Variants in ERBB4 observed in about 807,000 individuals in gnomAD.
ERBB4 encodes erb-b2 receptor tyrosine kinase 4.
A neutral mutation model predicts 158.0 loss-of-function variants in ERBB4; 42 were observed. The ratio of observed to expected loss-of-function variants is 0.27; its 90% CI spans 0.21 to 0.34. The LOEUF (loss-of-function observed/expected upper bound fraction) is 0.34. Ranked by LOEUF, ERBB4 falls within the 10% of genes least tolerant of loss-of-function variation. ERBB4 has a pLI of 1.00. For missense variants in ERBB4, 1,333 were observed against 1,624.1 expected (o/e 0.82, Z 3.08); for synonymous variants, 583 against 558.7 (o/e 1.04, Z -0.61).
chr2:211,406,379 T>G (rs1159897384), intron 25 of ERBB4, among the ~76,000 whole-genome samples: 1 of 152,186 alleles, frequency 6.6e-6, no homozygotes, highest in Admixed American at 6.5e-5. Context: ...AATTAATCAT[T>G]ATTCAATATA....
At chr2:211,386,347 A>G (rs1206714587) in intron 27 of ERBB4, among the ~76,000 whole-genome samples, 2 of 152,218 alleles carry the variant, frequency 1.3e-5, no homozygotes, top group Non-Finnish European at 2.9e-5. Context: ...AAAACGTCAT[A>G]TAAGAACATA....
chr2:211,806,095 A>T (rs2076607100), intron 3 of ERBB4, among the ~76,000 whole-genome samples: 2 of 152,138 alleles, frequency 1.3e-5, no homozygotes, highest in South Asian at 4.1e-4. Context: ...AATCGAGCCA[A>T]ATAATTTCCC....
chr2:211,611,332 G>T (rs569911061), intron 19 of ERBB4, among the ~76,000 whole-genome samples: 52 of 149,578 alleles, frequency 3.5e-4, no homozygotes, highest in African/African-American at 1.3e-3. Context: ...AAAAGGGGAG[G>T]GGTCATAAGG....
chr2:211,962,140 A>G (rs1406633043), intron 2 of ERBB4, among the ~76,000 whole-genome samples: 2 of 152,074 alleles, frequency 1.3e-5, no homozygotes, highest in Non-Finnish European at 2.9e-5. Context: ...CATTTTGTGA[A>G]GTTTTCAATA....
intron 1 of ERBB4, among the ~76,000 whole-genome samples, chr2:212,284,415 A>G (rs2085880054): frequency 6.6e-6 from 1 of 152,054 alleles, no homozygotes; most frequent in Non-Finnish European, 1.5e-5. Flanking sequence ...AGCATGTTGC[A>G]TTGTCTTTTA....
At chr2:212,319,236 C>T (rs1397725145) in intron 1 of ERBB4, among the ~76,000 whole-genome samples, 1 of 150,974 alleles carries the variant, frequency 6.6e-6, no homozygotes, top group African/African-American at 2.4e-5. Flanking sequence ...AGTTTTCATA[C>T]ATCACAGCCT....
intron 1 of ERBB4, among the ~76,000 whole-genome samples, chr2:212,384,363 T>C (rs2090605259): frequency 6.6e-6 from 1 of 151,636 alleles, no homozygotes; most frequent in Non-Finnish European, 1.5e-5. Flanking sequence ...AGCACCAAAT[T>C]ACCCTTTTCA....
At chr2:211,770,925 T>C (rs1431154470) in intron 4 of ERBB4, among the ~76,000 whole-genome samples, 2 of 152,204 alleles carry the variant, frequency 1.3e-5, no homozygotes, top group Non-Finnish European at 2.9e-5. Flanking sequence ...GAGAACTAAA[T>C]ATTCTCTAAG....
At chr2:212,069,139 G>C (rs1379621108) in intron 2 of ERBB4, among the ~76,000 whole-genome samples, 1 of 151,880 alleles carries the variant, frequency 6.6e-6, no homozygotes, top group Non-Finnish European at 1.5e-5. Flanking sequence ...AGCAGTGTGA[G>C]AAAAAATTAA....
rs745408040 is a variant in ERBB4, at chr2:211,705,345, C to T, written c.1171G>A (p.Val391Ile). The T allele has an allele frequency of 9.3e-6, 15 of 1,612,812 alleles. No individual in the cohort carries two copies. The highest frequency in any genetic ancestry group is 3.3e-5 in the Admixed American group (2 of 60,006). The change falls in exon 10 of 28, where the codon GTC becomes ATC. Residue 391 changes from valine (V) to isoleucine (I), a missense_variant. Coordinates refer to ENST00000342788, the MANE Select transcript of ERBB4 (RefSeq NM_005235.3). ...IEAIDPEKLN[V>I]FRTVREITGF... ...GTTATCTCTCTGACTGTCCGAAAGA[C>T]GTTCAGTTTCTCTGGGTCTATGGCT...
intron 16 of ERBB4, among the ~76,000 whole-genome samples, chr2:211,657,237 A>C (rs1470957780): frequency 1.3e-5 from 2 of 151,238 alleles, no homozygotes; most frequent in African/African-American, 4.9e-5. Flanking sequence ...GGCCGGGCAC[A>C]GTGGCTCACA....
chr2:211,659,897 G>T (rs970608899), intron 15 of ERBB4, among the ~76,000 whole-genome samples: 6 of 152,166 alleles, frequency 3.9e-5, no homozygotes, highest in Non-Finnish European at 8.8e-5. Context: ...TGGTAGTGTG[G>T]AGGGCAGACA....
intron 12 of ERBB4, among the ~76,000 whole-genome samples, chr2:211,686,535 T>TAGAGATACA (rs1442848958): frequency 6.5e-3 from 2 of 306 alleles, no homozygotes; most frequent in Non-Finnish European, 0.015. Flanking sequence ...CTAGATTCTT[T>TAGAGATACA]TTTTTTTTTT....
chr2:212,256,637 T>A (rs947273697), intron 1 of ERBB4, among the ~76,000 whole-genome samples: 1 of 152,166 alleles, frequency 6.6e-6, no homozygotes, highest in Non-Finnish European at 1.5e-5. Context: ...CCTGAGATAG[T>A]TACTGTCATC....
chr2:212,235,449 C>T (rs117351210), intron 1 of ERBB4, among the ~76,000 whole-genome samples: 103 of 152,162 alleles, frequency 6.8e-4, no homozygotes, highest in East Asian at 2.3e-3. Flanking sequence ...CTTGGCTATC[C>T]GGGCTCTTTT....
At chr2:212,235,171 T>C (rs1017204166) in intron 1 of ERBB4, among the ~76,000 whole-genome samples, 2 of 152,100 alleles carry the variant, frequency 1.3e-5, no homozygotes, top group African/African-American at 2.4e-5. Flanking sequence ...AAGGAAGGGG[T>C]CCAATTTCAG....
chr2:211,423,203 A>G (rs906967735), intron 23 of ERBB4, among the ~76,000 whole-genome samples: 1 of 151,994 alleles, frequency 6.6e-6, no homozygotes, highest in Non-Finnish European at 1.5e-5. Context: ...TTCCAACTAA[A>G]TATTGAGTAA....
intron 7 of ERBB4, among the ~76,000 whole-genome samples, chr2:211,716,916 T>G (rs1280320091): frequency 6.6e-6 from 1 of 152,206 alleles, no homozygotes; most frequent in African/African-American, 2.4e-5. Flanking sequence ...ACATTTAAAG[T>G]AAACAAGTCA....
chr2:211,630,357 AC>A, intron 17 of ERBB4, 104 bp downstream of exon 17: 1 of 1,302,066 alleles, frequency 7.7e-7, no homozygotes, highest in Non-Finnish European at 1.1e-6. Flanking sequence ...CTTAATTAGG[AC>A]ACTGAACAGA....
Sources: gnomAD v4.1 joint callset for allele counts (sites outside exome capture counted in the v4.1 genomes callset) on GRCh38, gnomAD v4.1.1 for gene constraint, MANE v1.5 for transcripts, NCBI Gene and HGNC (gene_info 2026-07-23, HGNC 2026-07-21) for gene names.